PTPRN2: variants seen among roughly 807,000 people sequenced by gnomAD.
PTPRN2 encodes the protein protein tyrosine phosphatase receptor type N2.
Under a neutral mutation model 118.8 loss-of-function variants are expected in PTPRN2, and 74 were observed. That is an observed-to-expected ratio of 0.62 (90% confidence interval 0.52 to 0.76). The LOEUF (loss-of-function observed/expected upper bound fraction) is 0.76. Ranked by LOEUF, PTPRN2 falls within the 30% of genes least tolerant of loss-of-function variation. The pLI, the probability that PTPRN2 is intolerant of heterozygous loss-of-function variation, is 0.00. For synonymous variants in PTPRN2, 641 were observed against 608.0 expected, an observed-to-expected ratio of 1.05 and a Z score of -0.80; for missense variants, 1,481 against 1,394.4, an observed-to-expected ratio of 1.06 and a Z score of -0.99.
chr7:157,797,682 G>A (rs1369173502), intron 12 of PTPRN2, among the ~76,000 whole-genome samples: 3 of 152,234 alleles, frequency 2.0e-5, no homozygotes, highest in Admixed American at 2.0e-4. Context: ...CCTTCAACGC[G>A]AAGCTTGCAT....
rs1349020085 is a variant in PTPRN2 at position 157,632,187 on chromosome 7, A to G, written c.2197-10678T>C. On this transcript the variant is annotated intron_variant, in intron 14 of 22. Coordinates refer to ENST00000389418, the MANE Select transcript of PTPRN2 (RefSeq NM_002847.5). The surrounding 1 kb of genome is among the most constrained non-coding windows in gnomAD (Gnocchi z 4.3). ...ACACTGACAAAGGAGTTCTTACACA[A>G]TGCCCAGGTGACCTGCAGGGTACTT... 6.6e-6 allele frequency among the ~76,000 whole-genome samples: 1 copy of G among 152,212 alleles called. No homozygotes were observed. The highest frequency in any genetic ancestry group is 1.5e-5 in the Non-Finnish European group (1 of 68,036).
chr7:157,705,975 A>G (rs1015392514), intron 12 of PTPRN2, among the ~76,000 whole-genome samples: 4 of 151,984 alleles, frequency 2.6e-5, no homozygotes, highest in African/African-American at 7.2e-5. Flanking sequence ...TTCCAGATCA[A>G]TGTGACCACA....
At chr7:158,383,372 A>G (rs1051261337) in intron 2 of PTPRN2, among the ~76,000 whole-genome samples, 4 of 152,210 alleles carry the variant, frequency 2.6e-5, no homozygotes, top group Non-Finnish European at 5.9e-5. Context: ...CATGCACATA[A>G]TATCATCCCT....
At chr7:158,317,025 A>G in intron 2 of PTPRN2, 93 bp from the exon 3 acceptor site, 2 of 930,918 alleles carry the variant, frequency 2.1e-6, no homozygotes, top group Non-Finnish European at 1.6e-6. Context: ...CGTTCTGATC[A>G]TGTGCCGCCG....
chr7:158,225,658 G>A (rs112346547), intron 3 of PTPRN2, among the ~76,000 whole-genome samples: 61 of 152,326 alleles, frequency 4.0e-4, no homozygotes, highest in Non-Finnish European at 6.2e-4. Context: ...ATAAAGTTAT[G>A]AGCAAACTGC....
At chr7:158,370,970 C>A (rs1434665557) in intron 2 of PTPRN2, among the ~76,000 whole-genome samples, 2 of 152,054 alleles carry the variant, frequency 1.3e-5, no homozygotes, top group Admixed American at 6.5e-5. Context: ...CGAACTATCA[C>A]AATGAAAGAG....
intron 12 of PTPRN2, among the ~76,000 whole-genome samples, chr7:157,748,970 T>C (rs373333359): frequency 4.9e-4 from 7 of 14,302 alleles, no homozygotes; most frequent in African/African-American, 6.8e-4. Flanking sequence ...CTGAGGCCTG[T>C]GTCCCTGAGC....
At chr7:158,107,083 T>C (rs1430764208) in intron 10 of PTPRN2, among the ~76,000 whole-genome samples, 3 of 152,150 alleles carry the variant, frequency 2.0e-5, no homozygotes, top group Admixed American at 2.0e-4. Flanking sequence ...CATGCACACT[T>C]GTCTCTGTTC....
At chr7:158,352,974 G>T (rs1039601792) in intron 2 of PTPRN2, among the ~76,000 whole-genome samples, 1 of 152,248 alleles carries the variant, frequency 6.6e-6, no homozygotes. Context: ...GGGCCAATAG[G>T]CCAGACACTC....
intron 11 of PTPRN2, among the ~76,000 whole-genome samples, chr7:157,984,730 C>T (rs923391820): frequency 3.3e-5 from 5 of 152,172 alleles, no homozygotes; most frequent in African/African-American, 1.2e-4. Flanking sequence ...CCAGCTCTCC[C>T]CACATGCAGC....
intron 12 of PTPRN2, among the ~76,000 whole-genome samples, chr7:157,750,223 T>C (rs1281979375): frequency 1.3e-5 from 2 of 152,138 alleles, no homozygotes; most frequent in East Asian, 3.8e-4. Context: ...GAATGCTCGA[T>C]TTAGAGAAAA....
In PTPRN2 at chr7:158,196,218, C is replaced by G. The variant is rs1318963355; in HGVS notation, c.381-3723G>C. ...CATCAGTCATCTACCAAATCCTCAG[C>G]AGTGGCTGAAAATCTCCAGGGCTCT... On this transcript the variant is annotated intron_variant, in intron 4 of 22. Transcript: ENST00000389418. Among the ~76,000 whole-genome samples the G allele has an allele frequency of 3.3e-5, 5 of 152,220 alleles. No homozygotes were observed. The South Asian group carries it at 8.3e-4, about 25-fold the overall frequency.
intron 11 of PTPRN2, among the ~76,000 whole-genome samples, chr7:157,980,149 ATAT>A (rs1169519217): frequency 3.3e-5 from 5 of 152,226 alleles, no homozygotes; most frequent in African/African-American, 4.8e-5. Context: ...AATCATGACC[ATAT>A]TATTACATCA....
At chr7:157,810,779 C>G (rs1166152520) in intron 12 of PTPRN2, among the ~76,000 whole-genome samples, 2 of 145,124 alleles carry the variant, frequency 1.4e-5, no homozygotes, top group Non-Finnish European at 3.0e-5. Context: ...CACAGGCTCT[C>G]CACAAGGACG....
chr7:157,604,336 T>C (rs1801878515), intron 15 of PTPRN2, among the ~76,000 whole-genome samples: 1 of 152,198 alleles, frequency 6.6e-6, no homozygotes, highest in African/African-American at 2.4e-5. Flanking sequence ...GTTTCCAATG[T>C]TCCTGCTCCC....
At chr7:158,533,416 AC>A (rs1025420625) in intron 1 of PTPRN2, among the ~76,000 whole-genome samples, 3 of 152,252 alleles carry the variant, frequency 2.0e-5, no homozygotes, top group Non-Finnish European at 4.4e-5. Flanking sequence ...AATCCCAGAC[AC>A]AAACCATCCA....
chr7:158,065,265 C>T (rs1214109342), intron 11 of PTPRN2, among the ~76,000 whole-genome samples: 4 of 152,200 alleles, frequency 2.6e-5, no homozygotes, highest in South Asian at 4.1e-4. Context: ...AGAGACTTGG[C>T]GGAGCCTCCT....
At chr7:158,085,010 C>T (rs1813186033) in intron 10 of PTPRN2, among the ~76,000 whole-genome samples, 2 of 130,628 alleles carry the variant, frequency 1.5e-5, no homozygotes, top group Admixed American at 1.5e-4. Context: ...CACTCCGACA[C>T]CCATCCACAC....
chr7:158,197,066 A>G (rs1826268611), intron 4 of PTPRN2, among the ~76,000 whole-genome samples: 1 of 152,134 alleles, frequency 6.6e-6, no homozygotes, highest in African/African-American at 2.4e-5. Flanking sequence ...ATCTCCTTTC[A>G]CAGAATTTGA....
Sources: allele counts gnomAD v4.1 joint callset (sites outside exome capture counted in the v4.1 genomes callset), GRCh38; gene constraint gnomAD v4.1.1; non-coding constraint Gnocchi (gnomAD v3.1); transcripts MANE v1.5; gene names NCBI Gene and HGNC (gene_info 2026-07-23, HGNC 2026-07-21).